The following CDH13 variants were observed in gnomAD, a reference collection of about 807,000 sequenced individuals.
CDH13 encodes the protein cadherin-13.
A neutral mutation model predicts 63.8 loss-of-function variants in CDH13; 24 were observed. The observed-to-expected ratio is 0.38, with a 90% CI of 0.27 to 0.53. The LOEUF (loss-of-function observed/expected upper bound fraction) is 0.53, where lower values mean the gene tolerates loss of function less well. CDH13 is among the 20% of genes least tolerant of loss of function. The pLI is 0.85. For missense variants in CDH13, 1,049 were observed against 903.1 expected (o/e 1.16, Z -2.07); for synonymous variants, 503 against 355.3 (o/e 1.42, Z -4.67).
At chr16:83,191,458 A>AATATAGATAT (rs1466966273) in intron 4 of CDH13, among the ~76,000 whole-genome samples, 18 of 80,580 alleles carry the variant, frequency 2.2e-4, no homozygotes, top group South Asian at 9.0e-4. Context: ...ACTAATAGGA[A>AATATAGATAT]ATATATATAT....
intron 7 of CDH13, among the ~76,000 whole-genome samples, chr16:83,548,220 C>T (rs2075425117): frequency 6.6e-6 from 1 of 152,100 alleles, no homozygotes; most frequent in African/African-American, 2.4e-5. Flanking sequence ...GAGGCAAACT[C>T]AACAGGCCTT....
At chr16:83,774,158 G>T (rs554865128) in intron 11 of CDH13, among the ~76,000 whole-genome samples, 20 of 152,106 alleles carry the variant, frequency 1.3e-4, no homozygotes, top group African/African-American at 4.8e-4. Flanking sequence ...GTGCATGGCC[G>T]GTGATACCAG....
chr16:82,820,625 C>T (rs1159159543), intron 1 of CDH13, among the ~76,000 whole-genome samples: 2 of 152,164 alleles, frequency 1.3e-5, no homozygotes, highest in South Asian at 2.1e-4. Context: ...TTATCTGCTA[C>T]ATGACAGGTC....
At chr16:83,747,223 T>C (rs867262730) in intron 10 of CDH13, among the ~76,000 whole-genome samples, 3 of 152,230 alleles carry the variant, frequency 2.0e-5, no homozygotes, top group Non-Finnish European at 4.4e-5. Context: ...AGTTTGGCTG[T>C]GTCCTCACCC....
rs117390168 is a variant in CDH13 at position 83,147,846 on chromosome 16, C to T, written c.483+22345C>T. Reference sequence around the variant, plus strand: ...TTGGTCTCTGGCTCTGAGCACAGCACCCTGACACCATCATAAGCTGTAACT... The same window carrying T: ...TTGGTCTCTGGCTCTGAGCACAGCATCCTGACACCATCATAAGCTGTAACT... On this transcript the variant is annotated intron_variant, in intron 4 of 13. Coordinates refer to ENST00000567109, the MANE Select transcript of CDH13 (RefSeq NM_001257.5). 2.0e-4 allele frequency among the ~76,000 whole-genome samples: 31 copies of T among 152,220 alleles called. No individual in the cohort carries two copies. The East Asian group carries it at 5.2e-3, about 26-fold the overall frequency.
In CDH13 at chr16:82,682,268, A is replaced by G. The variant is rs1409417632; in HGVS notation, c.45+55131A>G. Among the ~76,000 whole-genome samples the G allele has an allele frequency of 2.6e-5, 4 of 152,330 alleles. No homozygotes were observed. The South Asian group carries it at 8.3e-4, about 32-fold the overall frequency. ...TGCAGATTCCCAGGCCCCACCCATC[A>G]ACATGCTGATTCCATCTGTCTAGGT... On this transcript the variant is annotated intron_variant, in intron 1 of 13. Transcript: ENST00000567109.
At chr16:82,880,670 G>C (rs1469404087) in intron 2 of CDH13, among the ~76,000 whole-genome samples, 1 of 152,132 alleles carries the variant, frequency 6.6e-6, no homozygotes, top group African/African-American at 2.4e-5. Flanking sequence ...GCTTACTGTA[G>C]TGAAAAACAT....
At chr16:82,707,956 G>C (rs975969421) in intron 1 of CDH13, among the ~76,000 whole-genome samples, 1 of 152,188 alleles carries the variant, frequency 6.6e-6, no homozygotes, top group Non-Finnish European at 1.5e-5. Flanking sequence ...TTTATGTCAT[G>C]TTTTGGTCCC....
In CDH13 at chr16:83,569,801, A is replaced by G. The variant is rs563825212; in HGVS notation, c.961-32653A>G. 4.6e-5 allele frequency among the ~76,000 whole-genome samples: 7 copies of G among 152,170 alleles called. No individual in the cohort carries two copies. The East Asian group carries it at 1.2e-3, about 25-fold the overall frequency. ...TCCCAGGCTGGAGTGCAGTGGTACA[A>G]TCTCCGCTCACTGCAACCTCTGCCT... On this transcript the variant is annotated intron_variant, in intron 7 of 13. Transcript: ENST00000567109.
At chr16:83,557,370 A>T (rs931461876) in intron 7 of CDH13, among the ~76,000 whole-genome samples, 10 of 152,176 alleles carry the variant, frequency 6.6e-5, no homozygotes, top group African/African-American at 2.4e-4. Context: ...AATGGGCTTG[A>T]CTCATCCCAA....
intron 3 of CDH13, among the ~76,000 whole-genome samples, chr16:83,076,866 C>G (rs1416184660): frequency 6.6e-6 from 1 of 152,072 alleles, no homozygotes; most frequent in Non-Finnish European, 1.5e-5. Context: ...ACATATATTA[C>G]TTTGGTGCAA....
chr16:83,719,825 A>C (rs1362411726), intron 10 of CDH13, among the ~76,000 whole-genome samples: 1 of 152,086 alleles, frequency 6.6e-6, no homozygotes, highest in African/African-American at 2.4e-5. Context: ...ATACACTCAC[A>C]TCAGCGTCAG....
At chr16:83,749,715 T>C (rs1912920115) in intron 11 of CDH13, among the ~76,000 whole-genome samples, 1 of 152,146 alleles carries the variant, frequency 6.6e-6, no homozygotes, top group Non-Finnish European at 1.5e-5. Context: ...GAATAATACA[T>C]GGTCCTTGTG....
intron 3 of CDH13, among the ~76,000 whole-genome samples, chr16:83,081,357 A>G (rs2033239892): frequency 6.6e-6 from 1 of 152,188 alleles, no homozygotes; most frequent in African/African-American, 2.4e-5. Context: ...GAAGACGGGC[A>G]TTGAACACAG....
rs776288271 is a variant in CDH13 at position 83,602,612 on chromosome 16, A to T, written c.1101+18A>T. On this transcript the variant is annotated intron_variant, in intron 8 of 13. Transcript: ENST00000567109. ...AGAAAGAGGTAAACCCCTGTGCCAA[A>T]CACCAACCACCACTGTGGTCACAGC... 5.6e-6 allele frequency: 9 copies of T among 1,613,542 alleles called. No homozygotes were observed. The highest frequency in any genetic ancestry group is 5.9e-6 in the Non-Finnish European group (7 of 1,179,506).
intron 2 of CDH13, among the ~76,000 whole-genome samples, chr16:82,966,786 C>A (rs1364042233): frequency 6.6e-6 from 1 of 152,162 alleles, no homozygotes; most frequent in African/African-American, 2.4e-5. Flanking sequence ...AGACTCGATG[C>A]CCCTTTTCCC....
intron 3 of CDH13, among the ~76,000 whole-genome samples, chr16:83,052,801 A>AAGAAAG (rs1555571695): frequency 2.5e-4 from 31 of 122,666 alleles, no homozygotes; most frequent in African/African-American, 1.0e-3. Flanking sequence ...AAAAAAAAAA[A>AAGAAAG]AAAGAAAGAA....
chr16:83,344,218 G>C (rs1341191570), intron 5 of CDH13, among the ~76,000 whole-genome samples: 2 of 152,194 alleles, frequency 1.3e-5, no homozygotes, highest in Non-Finnish European at 2.9e-5. Flanking sequence ...TCGTTTCCAA[G>C]ACAAACAAAA....
At chr16:82,866,135 G>A (rs1378511103) in intron 2 of CDH13, among the ~76,000 whole-genome samples, 1 of 152,006 alleles carries the variant, frequency 6.6e-6, no homozygotes, top group East Asian at 1.9e-4. Context: ...GACCACATCA[G>A]CCTGGACTTC....
Sources: gnomAD v4.1 joint callset for allele counts (sites outside exome capture counted in the v4.1 genomes callset) on GRCh38, gnomAD v4.1.1 for gene constraint, MANE v1.5 for transcripts, NCBI Gene and HGNC (gene_info 2026-07-23, HGNC 2026-07-21) for gene names.